Variants in SORCS2 observed in about 807,000 individuals in gnomAD.
SORCS2 encodes the protein VPS10 domain-containing receptor SorCS2.
SORCS2 carries 100 observed loss-of-function variants against 141.6 expected under a neutral mutation model. The ratio of observed to expected loss-of-function variants is 0.71; its 90% CI spans 0.60 to 0.83. The LOEUF (loss-of-function observed/expected upper bound fraction) is 0.83. Ranked by LOEUF, SORCS2 falls within the 40% of genes least tolerant of loss-of-function variation. The probability of loss-of-function intolerance (pLI) is 0.00; values close to 1 mark genes in which losing one functional copy is unlikely to be tolerated. For missense variants in SORCS2, 1,646 were observed against 1,560.2 expected (o/e 1.05, Z -0.93); for synonymous variants, 789 against 676.9 (o/e 1.17, Z -2.57).
intron 2 of SORCS2, chr4:7,433,443 G>T (rs371858136): frequency 6.5e-7 from 1 of 1,537,982 alleles, no homozygotes. Flanking sequence ...CACACTGGTC[G>T]GTGCCCAGCA....
chr4:7,461,511 G>A (rs992174291), intron 2 of SORCS2, among the ~76,000 whole-genome samples: 5 of 152,228 alleles, frequency 3.3e-5, no homozygotes, highest in African/African-American at 7.2e-5. Context: ...GACTCACGCC[G>A]CACTGTGCTG....
intron 3 of SORCS2, among the ~76,000 whole-genome samples, chr4:7,600,780 A>C (rs968074586): frequency 6.6e-6 from 1 of 152,112 alleles, no homozygotes; most frequent in Non-Finnish European, 1.5e-5. Flanking sequence ...TCCCTAGCAA[A>C]TATTTTGTCT....
chr4:7,684,136 G>C (rs1723732624), intron 10 of SORCS2, among the ~76,000 whole-genome samples: 1 of 152,110 alleles, frequency 6.6e-6, no homozygotes, highest in African/African-American at 2.4e-5. Flanking sequence ...CAGCATCCCT[G>C]CCCCTTCCTA....
chr4:7,683,985 G>T (rs897791476), intron 10 of SORCS2, among the ~76,000 whole-genome samples: 2 of 152,174 alleles, frequency 1.3e-5, no homozygotes, highest in African/African-American at 4.8e-5. Context: ...AGCTGCCAGG[G>T]ACCAGTGGAT....
chr4:7,542,423 G>A (rs977492949), intron 3 of SORCS2, among the ~76,000 whole-genome samples: 4 of 152,118 alleles, frequency 2.6e-5, no homozygotes, highest in Admixed American at 2.0e-4. Flanking sequence ...GAGACTCAGA[G>A]ACAGACAAGA....
In SORCS2 at chr4:7,554,704, C is replaced by A. The variant is rs534581654; in HGVS notation, c.648+23075C>A. On this transcript the variant is annotated intron_variant, in intron 3 of 26. Coordinates refer to ENST00000507866, the MANE Select transcript of SORCS2 (RefSeq NM_020777.3). ...AGATTCTGCAAGGTAAGAGGAGTGC[C>A]AGGATTGAGATTTGTAGAGCACAGC... 3.3e-4 allele frequency among the ~76,000 whole-genome samples: 50 copies of A among 152,256 alleles called. 2 individuals are homozygous for A. The highest frequency in any genetic ancestry group is 1.1e-3 in the African/African-American group (47 of 41,542).
At chr4:7,605,415 T>C (rs1717997927) in intron 3 of SORCS2, among the ~76,000 whole-genome samples, 1 of 152,000 alleles carries the variant, frequency 6.6e-6, no homozygotes. Flanking sequence ...AAAGGATAGG[T>C]GTTGGGGGGC....
At chr4:7,414,236 C>A in intron 2 of SORCS2, among the ~76,000 whole-genome samples, 1 of 152,182 alleles carries the variant, frequency 6.6e-6, no homozygotes, top group East Asian at 1.9e-4. Flanking sequence ...AACAGAGGAC[C>A]CAGGGTGGTA....
chr4:7,369,617 G>A (rs1433602538), intron 1 of SORCS2, among the ~76,000 whole-genome samples: 1 of 152,176 alleles, frequency 6.6e-6, no homozygotes, highest in Admixed American at 6.5e-5. Flanking sequence ...GCTCAGTCTG[G>A]GAAGCTGACA....
At chr4:7,535,885 G>C (rs1712083167) in intron 3 of SORCS2, among the ~76,000 whole-genome samples, 1 of 152,268 alleles carries the variant, frequency 6.6e-6, no homozygotes. Context: ...CAGGCTGCTT[G>C]CTCGTGGCAT....
chr4:7,414,699 A>G (rs1725547344), intron 2 of SORCS2, among the ~76,000 whole-genome samples: 1 of 152,242 alleles, frequency 6.6e-6, no homozygotes, highest in African/African-American at 2.4e-5. Flanking sequence ...AACTTAAAAG[A>G]CAAATGGTTA....
chr4:7,580,758 A>G (rs879503393), intron 3 of SORCS2, among the ~76,000 whole-genome samples: 3 of 152,190 alleles, frequency 2.0e-5, no homozygotes, highest in Admixed American at 2.0e-4. Flanking sequence ...CAAGAATATG[A>G]ATCCTGAACC....
chr4:7,324,500 C>T (rs920987988), intron 1 of SORCS2, among the ~76,000 whole-genome samples: 2 of 152,196 alleles, frequency 1.3e-5, no homozygotes, highest in African/African-American at 4.8e-5. Flanking sequence ...GTGGGAACTG[C>T]GCGGGGTTAG....
chr4:7,560,761 G>A (rs147812199), intron 3 of SORCS2, among the ~76,000 whole-genome samples: 518 of 152,174 alleles, frequency 3.4e-3, no homozygotes, highest in Middle Eastern at 6.8e-3. Context: ...AGCTTTGCCC[G>A]ACATTCCATT....
chr4:7,739,909 G>A (rs1265112397), intron 26 of SORCS2, among the ~76,000 whole-genome samples: 4 of 152,168 alleles, frequency 2.6e-5, no homozygotes, highest in South Asian at 2.1e-4. Context: ...TGCCGATGCC[G>A]GGGGCGATCC....
chr4:7,684,999 C>T (rs2057724), intron 10 of SORCS2, among the ~76,000 whole-genome samples: 37,705 of 152,108 alleles, frequency 0.25, 5,126 homozygotes, highest in East Asian at 0.55. Context: ...TCTCAGGGGC[C>T]GGCTGCCCGC....
rs114678824 is a variant in SORCS2 at position 7,697,146 on chromosome 4, G to A, written c.1592-52G>A. On this transcript the variant is annotated intron_variant, in intron 11 of 26. Coordinates refer to ENST00000507866, the MANE Select transcript of SORCS2 (RefSeq NM_020777.3). The stretch of plus-strand genomic sequence containing the variant: ...TTTCCATGCTCAGACTTGTTAAAGG[G>A]GTAAAGCTGGACGATCCTAAGGGTA... 4,098 of 1,475,282 alleles carry A rather than the reference G, an allele frequency of 2.8e-3. 91 individuals carry two copies. The African/African-American group carries it at 0.048, about 17-fold the overall frequency. The allele number at this position is 1,475,282 out of a possible 1,614,324, so 91.4% of individuals were successfully genotyped here.
At chr4:7,389,195 G>A (rs1337614360) in intron 1 of SORCS2, among the ~76,000 whole-genome samples, 1 of 152,208 alleles carries the variant, frequency 6.6e-6, no homozygotes, top group Non-Finnish European at 1.5e-5. Context: ...TCTGGCTGGA[G>A]GTCTTCGTCC....
At chr4:7,322,429 A>G (rs560607706) in intron 1 of SORCS2, among the ~76,000 whole-genome samples, 157 of 152,320 alleles carry the variant, frequency 1.0e-3, no homozygotes, top group African/African-American at 3.4e-3. Flanking sequence ...CCGGGGCCTC[A>G]TGCACTGGGG....
Sources: gnomAD v4.1 joint callset for allele counts (sites outside exome capture counted in the v4.1 genomes callset) on GRCh38, gnomAD v4.1.1 for gene constraint, MANE v1.5 for transcripts, NCBI Gene and HGNC (gene_info 2026-07-23, HGNC 2026-07-21) for gene names.